Variants in ADAM22 observed in about 807,000 individuals in gnomAD.
ADAM22 encodes the protein ADAM metallopeptidase domain 22.
Under a neutral mutation model 144.6 loss-of-function variants are expected in ADAM22, and 65 were observed. The observed-to-expected ratio is 0.45, with a 90% CI of 0.37 to 0.55. The LOEUF (loss-of-function observed/expected upper bound fraction) is 0.55. Among genes scored for constraint, ADAM22 ranks in the 20% least tolerant of loss-of-function variants. ADAM22 has a pLI of 0.00. For synonymous variants in ADAM22, 391 were observed against 412.6 expected (o/e 0.95, Z 0.63); for missense variants, 974 against 1,184.9 (o/e 0.82, Z 2.61).
chr7:87,967,807 CAAAAAA>C (rs35787636), intron 2 of ADAM22, among the ~76,000 whole-genome samples: 2 of 60,950 alleles, frequency 3.3e-5, no homozygotes, highest in African/African-American at 7.3e-5. Context: ...GACTCTGTCT[CAAAAAA>C]AAAAAAAAAA....
chr7:88,159,460 A>C (rs1354075140), intron 22 of ADAM22, among the ~76,000 whole-genome samples: 1 of 152,104 alleles, frequency 6.6e-6, no homozygotes, highest in Non-Finnish European at 1.5e-5. Context: ...CAAAAAAAGA[A>C]AATTTCAGCC....
intron 4 of ADAM22, among the ~76,000 whole-genome samples, chr7:88,100,892 A>G (rs1822734086): frequency 6.6e-6 from 1 of 151,824 alleles, no homozygotes; most frequent in Non-Finnish European, 1.5e-5. Context: ...GCCAGTCGAG[A>G]GGGAGTTGAG....
chr7:88,153,130 A>G, intron 20 of ADAM22, 91 bp from the exon 21 acceptor site: 1 of 765,004 alleles, frequency 1.3e-6, no homozygotes, highest in South Asian at 1.8e-5. Flanking sequence ...AGTGATGAAG[A>G]GTCCTTATAT....
chr7:88,083,444 A>G (rs1817481185), intron 4 of ADAM22, among the ~76,000 whole-genome samples: 1 of 151,954 alleles, frequency 6.6e-6, no homozygotes, highest in African/African-American at 2.4e-5. Context: ...CATATGTAAC[A>G]AACCTGCACG....
At chr7:88,050,925 G>A (rs1445485661) in intron 3 of ADAM22, among the ~76,000 whole-genome samples, 1 of 152,168 alleles carries the variant, frequency 6.6e-6, no homozygotes, top group African/African-American at 2.4e-5. Context: ...TAGACATGAA[G>A]TCCTTGACCA....
chr7:87,991,924 C>T (rs535361533), intron 3 of ADAM22, among the ~76,000 whole-genome samples: 1 of 152,286 alleles, frequency 6.6e-6, no homozygotes, highest in African/African-American at 2.4e-5. Context: ...TCTTAAAACT[C>T]ACTAGTGAAA....
intron 19 of ADAM22, 82 bp downstream of exon 19, chr7:88,151,113 C>A (rs1395998807): frequency 2.0e-6 from 3 of 1,528,006 alleles, no homozygotes; most frequent in East Asian, 4.5e-5. Context: ...ATAGGAAGAT[C>A]AATTTAAATG....
At chr7:88,156,870 T>G (rs546633707) in intron 22 of ADAM22, among the ~76,000 whole-genome samples, 14 of 148,536 alleles carry the variant, frequency 9.4e-5, no homozygotes, top group Middle Eastern at 3.5e-3. Context: ...CTAATTCAAA[T>G]ATGAGCAGAT....
intron 1 of ADAM22, 64 bp from the exon 2 acceptor site, chr7:87,934,962 A>C (rs10239100): frequency 0.17 from 276,240 of 1,602,262 alleles, 28,290 homozygotes; most frequent in African/African-American, 0.47. Context: ...TGGAGGAGTG[A>C]GGGTCAGGGT....
chr7:88,139,032 A>G (rs1488803127), intron 14 of ADAM22, among the ~76,000 whole-genome samples: 2 of 152,178 alleles, frequency 1.3e-5, no homozygotes, highest in Non-Finnish European at 2.9e-5. Flanking sequence ...AGGCTTAACT[A>G]GACTTTGACT....
chr7:88,025,458 G>A (rs568776771), intron 3 of ADAM22, among the ~76,000 whole-genome samples: 1 of 152,148 alleles, frequency 6.6e-6, no homozygotes, highest in East Asian at 1.9e-4. Flanking sequence ...TGATATCCTG[G>A]AGAGATTCTC....
intron 4 of ADAM22, among the ~76,000 whole-genome samples, chr7:88,083,550 A>G (rs1341891860): frequency 2.0e-5 from 3 of 150,402 alleles, no homozygotes; most frequent in Admixed American, 1.3e-4. Context: ...AGTTATCAAC[A>G]CTTTGACTAT....
intron 3 of ADAM22, among the ~76,000 whole-genome samples, chr7:88,074,044 G>GT (rs1374126501): frequency 1.3e-5 from 2 of 152,190 alleles, no homozygotes; most frequent in African/African-American, 4.8e-5. Flanking sequence ...CATGACTGGT[G>GT]TATGTAAGAG....
chr7:87,937,599 C>T (rs2131191292), intron 2 of ADAM22, among the ~76,000 whole-genome samples: 1 of 152,294 alleles, frequency 6.6e-6, no homozygotes, highest in Non-Finnish European at 1.5e-5. Context: ...TGGAGGAGGT[C>T]AGTCCTCCTT....
intron 2 of ADAM22, among the ~76,000 whole-genome samples, chr7:87,949,693 C>G (rs1844559692): frequency 6.6e-6 from 1 of 151,442 alleles, no homozygotes; most frequent in Non-Finnish European, 1.5e-5. Flanking sequence ...AGGACAACAA[C>G]CTTTTTTTTT....
At chr7:88,133,249 G>T (rs1403920084) in intron 12 of ADAM22, among the ~76,000 whole-genome samples, 1 of 151,920 alleles carries the variant, frequency 6.6e-6, no homozygotes, top group Non-Finnish European at 1.5e-5. Flanking sequence ...TGTAGCCCCA[G>T]CTACTGGGGA....
At chr7:88,038,655 G>A (rs1444533792) in intron 3 of ADAM22, among the ~76,000 whole-genome samples, 6 of 151,618 alleles carry the variant, frequency 4.0e-5, no homozygotes, top group African/African-American at 7.3e-5. Flanking sequence ...GGGTTTCACC[G>A]TGTTAGCCAG....
intron 20 of ADAM22, 57 bp downstream of exon 20, chr7:88,151,377 A>C: frequency 1.9e-6 from 3 of 1,596,974 alleles, no homozygotes; most frequent in Non-Finnish European, 2.6e-6. Context: ...CGGACTTCTC[A>C]AGGACGTGTG....
chr7:88,066,061 A>G (rs1811170197), intron 3 of ADAM22, among the ~76,000 whole-genome samples: 1 of 152,188 alleles, frequency 6.6e-6, no homozygotes, highest in South Asian at 2.1e-4. Flanking sequence ...TTGCTTTATC[A>G]GAAGAGGACA....
Sources: gnomAD v4.1 joint callset for allele counts (sites outside exome capture counted in the v4.1 genomes callset) on GRCh38, gnomAD v4.1.1 for gene constraint, MANE v1.5 for transcripts, NCBI Gene and HGNC (gene_info 2026-07-23, HGNC 2026-07-21) for gene names.